Variants in MYO10 observed in about 807,000 individuals in gnomAD.
The protein encoded by MYO10 is myosin X, also known as unconventional myosin-X.
In MYO10, 133 loss-of-function variants were observed where a neutral mutation model predicts 257.3. The ratio of observed to expected loss-of-function variants is 0.52; its 90% CI spans 0.45 to 0.60. MYO10 has a LOEUF of 0.60. MYO10 is among the 20% of genes least tolerant of loss of function. MYO10 has a pLI of 0.00. For missense variants in MYO10, 2,399 were observed against 2,635.7 expected (o/e 0.91, Z 1.97); for synonymous variants, 1,104 against 1,028.6 (o/e 1.07, Z -1.40).
intron 1 of MYO10, among the ~76,000 whole-genome samples, chr5:16,880,135 G>A (rs755666222): frequency 6.6e-5 from 10 of 152,120 alleles, no homozygotes; most frequent in Non-Finnish European, 8.8e-5. Flanking sequence ...AATTGAGATC[G>A]TGCCACTACG....
chr5:16,858,507 G>A (rs149154478), intron 2 of MYO10, among the ~76,000 whole-genome samples: 17 of 150,858 alleles, frequency 1.1e-4, no homozygotes, highest in Admixed American at 9.9e-4. Context: ...GATGAATCAC[G>A]CAGAACAATA....
chr5:16,769,530 G>A (rs1740983463), intron 9 of MYO10, among the ~76,000 whole-genome samples: 1 of 152,114 alleles, frequency 6.6e-6, no homozygotes, highest in Non-Finnish European at 1.5e-5. Flanking sequence ...TGTAGAGACT[G>A]GGTTTCACCA....
In MYO10 at chr5:16,858,322, C is replaced by T. The variant is rs145355762; in HGVS notation, c.120+19287G>A. ...AGGCAAGGGCTGCAGTTTGCTGCCC[C>T]TGTTCAGTCGCACACTGGAGTCGTC... On this transcript the variant is annotated intron_variant, in intron 2 of 40. Coordinates refer to ENST00000513610, the MANE Select transcript of MYO10 (RefSeq NM_012334.3). Among the ~76,000 whole-genome samples, 1,177 of 152,138 alleles carry T rather than the reference C, an allele frequency of 7.7e-3. 24 individuals carry two copies. Among genetic ancestry groups the T allele is most frequent in the African/African-American group, 0.027 (1,101 of 41,478 alleles).
At chr5:16,923,586 C>A (rs1268160615) in intron 1 of MYO10, among the ~76,000 whole-genome samples, 1 of 151,948 alleles carries the variant, frequency 6.6e-6, no homozygotes, top group Non-Finnish European at 1.5e-5. Flanking sequence ...CACACCCGGC[C>A]ACCTGGCACT....
intron 3 of MYO10, among the ~76,000 whole-genome samples, chr5:16,814,230 C>G (rs143111281): frequency 0.017 from 2,578 of 152,290 alleles, 69 homozygotes; most frequent in African/African-American, 0.058. Flanking sequence ...CAAGCTCCGC[C>G]TCCCGGGTTC....
At chr5:16,808,142 T>C (rs909369174) in intron 3 of MYO10, among the ~76,000 whole-genome samples, 1 of 152,172 alleles carries the variant, frequency 6.6e-6, no homozygotes, top group Non-Finnish European at 1.5e-5. Context: ...CATAACCCAA[T>C]TGTCTGATGT....
At chr5:16,859,380 G>C (rs1337875213) in intron 2 of MYO10, among the ~76,000 whole-genome samples, 1 of 152,030 alleles carries the variant, frequency 6.6e-6, no homozygotes, top group Non-Finnish European at 1.5e-5. Context: ...TTCATGAGGG[G>C]CCCACCCTCA....
intron 12 of MYO10, among the ~76,000 whole-genome samples, 154 bp from the exon 13 acceptor site, chr5:16,763,909 C>T (rs1054173366): frequency 2.0e-5 from 3 of 152,128 alleles, no homozygotes; most frequent in African/African-American, 7.2e-5. Context: ...CTTTGGGAGG[C>T]CGAGGTGGGC....
intron 10 of MYO10, among the ~76,000 whole-genome samples, chr5:16,767,392 A>G (rs1740905433): frequency 6.6e-6 from 1 of 151,682 alleles, no homozygotes; most frequent in East Asian, 1.9e-4. Flanking sequence ...CTGGTCTCCA[A>G]CTCCTGACCT....
chr5:16,792,961 A>C (rs1473232339), intron 4 of MYO10, among the ~76,000 whole-genome samples: 2 of 152,204 alleles, frequency 1.3e-5, no homozygotes, highest in Non-Finnish European at 2.9e-5. Context: ...CTGAGGAAAT[A>C]ATATAATTAT....
intron 32 of MYO10, 100 bp downstream of exon 32, chr5:16,681,209 G>A (rs1736982883): frequency 7.9e-7 from 1 of 1,268,760 alleles, no homozygotes. Flanking sequence ...TCTTTGGGGG[G>A]AAATAAAGTA....
chr5:16,676,804 G>T (rs767813215), intron 33 of MYO10, among the ~76,000 whole-genome samples: 1 of 152,180 alleles, frequency 6.6e-6, no homozygotes, highest in South Asian at 2.1e-4. Flanking sequence ...AGGAGTTTGA[G>T]ACCAGCCTGG....
At chr5:16,679,524 G>GTTTTTTTTTTTTTTTTTTTTTTTTTTT (rs33919452) in intron 33 of MYO10, among the ~76,000 whole-genome samples, 33 of 122,650 alleles carry the variant, frequency 2.7e-4, no homozygotes, top group Middle Eastern at 4.5e-3. Context: ...TTTTTTGGGT[G>GTTTTTTTTTTTTTTTTTTTTTTTTTTT]TTTTTTTTTT....
Position 16,868,672 on chromosome 5 carries a change from T to C in MYO10, c.120+8937A>G, listed in dbSNP as rs149901736. ...GCCTGTGGTCCAAGAAGACAACTGA[T>C]TTCTAACTTGCAGGATATGTGCTGA... On this transcript the variant is annotated intron_variant, in intron 2 of 40. Coordinates refer to ENST00000513610, the MANE Select transcript of MYO10 (RefSeq NM_012334.3). Among the ~76,000 whole-genome samples, 5 of 152,282 alleles carry C rather than the reference T, an allele frequency of 3.3e-5. No individual in the cohort carries two copies. The East Asian group carries it at 9.7e-4, about 29-fold the overall frequency.
intron 3 of MYO10, among the ~76,000 whole-genome samples, chr5:16,800,048 G>A (rs572626256): frequency 5.3e-5 from 8 of 152,280 alleles, no homozygotes; most frequent in Admixed American, 4.6e-4. Context: ...CACACGGTTC[G>A]AGAGTGAAAG....
At chr5:16,776,765 T>C (rs909261993) in intron 9 of MYO10, among the ~76,000 whole-genome samples, 3 of 152,016 alleles carry the variant, frequency 2.0e-5, no homozygotes, top group Non-Finnish European at 2.9e-5. Flanking sequence ...GAACACAGAG[T>C]ACCAACGGAG....
chr5:16,897,919 G>T (rs1437821953), intron 1 of MYO10, among the ~76,000 whole-genome samples: 3 of 152,240 alleles, frequency 2.0e-5, no homozygotes, highest in Admixed American at 1.3e-4. Flanking sequence ...AGCATTTCAA[G>T]AGTGTTACTC....
chr5:16,848,533 G>A (rs750368834), intron 2 of MYO10, among the ~76,000 whole-genome samples: 6 of 151,980 alleles, frequency 3.9e-5, no homozygotes, highest in Admixed American at 2.0e-4. Flanking sequence ...TGATGATGTC[G>A]CCTTTCTCAA....
At chr5:16,878,849 C>T (rs12653527) in intron 1 of MYO10, among the ~76,000 whole-genome samples, 6 of 151,836 alleles carry the variant, frequency 4.0e-5, no homozygotes, top group East Asian at 1.9e-4. Flanking sequence ...GGGAGGGTGG[C>T]GAAGGATAAA....
Sources: gnomAD v4.1 joint callset for allele counts (sites outside exome capture counted in the v4.1 genomes callset) on GRCh38, gnomAD v4.1.1 for gene constraint, MANE v1.5 for transcripts, NCBI Gene and HGNC (gene_info 2026-07-23, HGNC 2026-07-21) for gene names.